ATP11A: variants seen among roughly 807,000 people sequenced by gnomAD.
ATP11A encodes ATPase phospholipid transporting 11A.
A neutral mutation model predicts 154.4 loss-of-function variants in ATP11A; 81 were observed. The ratio of observed to expected loss-of-function variants is 0.52; its 90% CI spans 0.44 to 0.63. ATP11A has a LOEUF of 0.63. ATP11A is among the 30% of genes least tolerant of loss of function. The pLI, the probability that ATP11A is intolerant of heterozygous loss-of-function variation, is 0.00. For missense variants in ATP11A, 1,316 were observed against 1,474.3 expected, an observed-to-expected ratio of 0.89 and a Z score of 1.76; for synonymous variants, 623 against 585.9, an observed-to-expected ratio of 1.06 and a Z score of -0.91.
chr13:112,707,187 A>C (rs953830235), intron 1 of ATP11A, among the ~76,000 whole-genome samples: 2 of 152,132 alleles, frequency 1.3e-5, no homozygotes, highest in Non-Finnish European at 2.9e-5. Flanking sequence ...AGGCCGAGGC[A>C]GATGGATCAC....
intron 1 of ATP11A, among the ~76,000 whole-genome samples, chr13:112,783,459 C>G (rs1409567307): frequency 6.6e-6 from 1 of 152,222 alleles, no homozygotes; most frequent in East Asian, 1.9e-4. Flanking sequence ...GCTGGTGTCC[C>G]CCTCATGGGT....
Position 112,807,750 on chromosome 13 carries a change from C to T in ATP11A, c.333+1457C>T, listed in dbSNP as rs12100075. Among the ~76,000 whole-genome samples the T allele has an allele frequency of 0.03, 4,613 of 152,106 alleles. 225 individuals carry two copies. Among genetic ancestry groups the T allele is most frequent in the African/African-American group, 0.11 (4,363 of 41,446 alleles). ...ACCCATCGTGGAGATTAGGTGAGGG[C>T]GTCCCGTGCTATCTGTGATACATCT... On this transcript the variant is annotated intron_variant, in intron 4 of 29. Coordinates refer to ENST00000375645, the MANE Select transcript of ATP11A (RefSeq NM_015205.3). This position sits in a 1 kb window ranked among gnomAD's most constrained non-coding sequence, Gnocchi z 4.5.
chr13:112,792,169 G>A (rs973508319), intron 2 of ATP11A, among the ~76,000 whole-genome samples: 1 of 152,164 alleles, frequency 6.6e-6, no homozygotes, highest in Non-Finnish European at 1.5e-5. Context: ...TTTTGCTAAT[G>A]GAACTCAGGA....
At chr13:112,858,971 T>A in intron 22 of ATP11A, 1 of 260,586 alleles carries the variant, frequency 3.8e-6, no homozygotes, top group Non-Finnish European at 7.5e-6. Flanking sequence ...AATGTACCCC[T>A]GAGGATGAGG....
Position 112,881,875 on chromosome 13 carries a change from GAGCCC to G in ATP11A, c.*12_*16del. The G allele has an allele frequency of 7.3e-7, 1 of 1,367,776 alleles. No individual in the cohort carries two copies. The highest frequency in any genetic ancestry group is 1.1e-5 in the South Asian group (1 of 88,050). 84.7% of individuals were successfully genotyped at this position (1,367,776 alleles called of 1,614,324 possible). Reference sequence around the variant, plus strand: ...AATTCACCCCTCTTGCCTCTCTGCAGAGCCCAGGCTACCAGAGCACCTGTCCCTCG... The same window carrying G: ...AATTCACCCCTCTTGCCTCTCTGCAGAGGCTACCAGAGCACCTGTCCCTCG... On this transcript the variant is annotated splice_region_variant and 3_prime_UTR_variant, in exon 30 of 30. Transcript: ENST00000375645.
At chr13:112,772,364 CA>C (rs1236544377) in intron 1 of ATP11A, among the ~76,000 whole-genome samples, 1 of 152,172 alleles carries the variant, frequency 6.6e-6, no homozygotes, top group Non-Finnish European at 1.5e-5. Context: ...TGGCTGGAAG[CA>C]GGGCAGTGAG....
chr13:112,809,686 T>C (rs1177106059), intron 4 of ATP11A, among the ~76,000 whole-genome samples: 2 of 152,216 alleles, frequency 1.3e-5, no homozygotes, highest in African/African-American at 4.8e-5. Context: ...CATAGGCCCC[T>C]GGTGTGCAGT....
rs1054153652 is a variant in ATP11A, at chr13:112,785,173, C to G, written c.78C>G (p.Ile26Met). 1.9e-6 allele frequency: 3 copies of G among 1,576,342 alleles called. No individual in the cohort carries two copies. Among genetic ancestry groups the G allele is most frequent in the Admixed American group, 3.7e-5 (2 of 54,210 alleles). Residue 26 changes from isoleucine (I) to methionine (M), a missense_variant, in exon 2 of 30, where the codon ATC becomes ATG. Ile to Met is a conservative substitution (Grantham distance 10). Transcript: ENST00000375645. The surrounding 1 kb of genome is among the most constrained non-coding windows in gnomAD (Gnocchi z 4.8). ...GEENWVDSRTIYVGHREPPPG... is the reference protein window; with the variant it reads ...GEENWVDSRTMYVGHREPPPG... The stretch of plus-strand genomic sequence containing the variant: ...AGAATTGGGTGGACAGCAGGACCAT[C>G]TACGTGGGACACAGGGAGCCACCTC...
rs143192298 is a variant in ATP11A at position 112,882,670 on chromosome 13, G to A, written c.*804G>A. The A allele has an allele frequency of 1.2e-5, 5 of 400,022 alleles. No individual in the cohort carries two copies. The highest frequency in any genetic ancestry group is 8.7e-5 in the Admixed American group (2 of 22,940). The allele number at this position is 400,022 out of a possible 1,614,324, so 24.8% of individuals were successfully genotyped here. A position where few individuals can be genotyped will look rare whatever the true frequency, so the allele number is the denominator to read the frequency against. ...TCGTGGAGAAGGCAGTGCCACGTGG[G>A]AGGACAAGGCCACGCCGGCAGCTTC... On this transcript the variant is annotated 3_prime_UTR_variant, in exon 30 of 30. Coordinates refer to ENST00000375645, the MANE Select transcript of ATP11A (RefSeq NM_015205.3). The surrounding 1 kb of genome is among the most constrained non-coding windows in gnomAD (Gnocchi z 5.1).
intron 1 of ATP11A, among the ~76,000 whole-genome samples, chr13:112,708,786 T>G (rs981047687): frequency 6.6e-6 from 1 of 152,152 alleles, no homozygotes; most frequent in African/African-American, 2.4e-5. Context: ...GCCTGTAGCT[T>G]TGGTCGTCTT....
chr13:112,735,920 G>A (rs1193493351), intron 1 of ATP11A, among the ~76,000 whole-genome samples: 1 of 152,208 alleles, frequency 6.6e-6, no homozygotes, highest in Non-Finnish European at 1.5e-5. Context: ...CCATGCCTCC[G>A]TGTGCGCATG....
At chr13:112,880,586 G>A (rs1389549074) in intron 29 of ATP11A, 2 of 1,300,788 alleles carry the variant, frequency 1.5e-6, no homozygotes, top group Non-Finnish European at 1.0e-6. Context: ...GCCGCACAGA[G>A]CAGCGATGGG....
At chr13:112,791,292 C>A (rs1594712355) in intron 2 of ATP11A, among the ~76,000 whole-genome samples, 1 of 152,260 alleles carries the variant, frequency 6.6e-6, no homozygotes, top group East Asian at 1.9e-4. Flanking sequence ...CGCGGCGCCC[C>A]CTGCACAGTG....
At chr13:112,809,200 A>G (rs546588343) in intron 4 of ATP11A, among the ~76,000 whole-genome samples, 5 of 152,248 alleles carry the variant, frequency 3.3e-5, no homozygotes, top group African/African-American at 9.6e-5. Flanking sequence ...ACCTTCCAGG[A>G]AGACTGTTCT....
At chr13:112,860,538 A>G in intron 24 of ATP11A, 124 bp downstream of exon 24, 2 of 1,152,952 alleles carry the variant, frequency 1.7e-6, no homozygotes, top group East Asian at 2.4e-5. Context: ...GCATCTGCTG[A>G]TATTCTTGCT....
At chr13:112,849,318 T>C (rs1386317091) in intron 17 of ATP11A, among the ~76,000 whole-genome samples, 1 of 152,230 alleles carries the variant, frequency 6.6e-6, no homozygotes, top group Non-Finnish European at 1.5e-5. Context: ...TTTGTCTGGC[T>C]TTGTTTTATG....
chr13:112,778,430 G>C (rs908979383), intron 1 of ATP11A, among the ~76,000 whole-genome samples: 16 of 152,248 alleles, frequency 1.1e-4, no homozygotes, highest in Non-Finnish European at 2.1e-4. Context: ...GAGGTAGCTA[G>C]AAATACATTC....
intron 25 of ATP11A, among the ~76,000 whole-genome samples, chr13:112,864,725 C>T (rs2080259681): frequency 2.9e-5 from 2 of 69,798 alleles, no homozygotes; most frequent in South Asian, 4.0e-4. Context: ...CAGTGCAGCA[C>T]GTGCAGCTTC....
At chr13:112,764,648 G>A (rs1244886298) in intron 1 of ATP11A, among the ~76,000 whole-genome samples, 2 of 152,184 alleles carry the variant, frequency 1.3e-5, no homozygotes, top group African/African-American at 4.8e-5. Context: ...AGCTGGTGAC[G>A]TGCCCCCTGC....
Sources: allele counts gnomAD v4.1 joint callset (sites outside exome capture counted in the v4.1 genomes callset), GRCh38; gene constraint gnomAD v4.1.1; non-coding constraint Gnocchi (gnomAD v3.1); transcripts MANE v1.5; gene names NCBI Gene and HGNC (gene_info 2026-07-23, HGNC 2026-07-21).